SHQ1: variants seen among roughly 807,000 people sequenced by gnomAD.
The protein encoded by SHQ1 is SHQ1, H/ACA ribonucleoprotein assembly factor, also known as protein SHQ1 homolog.
SHQ1 carries 49 observed loss-of-function variants against 53.8 expected under a neutral mutation model. The ratio of observed to expected loss-of-function variants is 0.91; its 90% confidence interval spans 0.72 to 1.16. The LOEUF is 1.16. SHQ1 is among the 50% of genes most tolerant of loss of function. The pLI, the probability that SHQ1 is intolerant of heterozygous loss-of-function variation, is 0.00. For missense variants in SHQ1, 738 were observed against 683.1 expected, an observed-to-expected ratio of 1.08 and a Z score of -0.90; for synonymous variants, 243 against 251.0, an observed-to-expected ratio of 0.97 and a Z score of 0.30.
intron 10 of SHQ1, among the ~76,000 whole-genome samples, chr3:72,784,317 A>T (rs2106766390): frequency 6.6e-6 from 1 of 152,300 alleles, no homozygotes; most frequent in African/African-American, 2.4e-5. Flanking sequence ...AACATTTGTA[A>T]TCCTGTGATT....
At chr3:72,785,075 TCC>T (rs1706184684) in intron 10 of SHQ1, among the ~76,000 whole-genome samples, 1 of 152,172 alleles carries the variant, frequency 6.6e-6, no homozygotes, top group African/African-American at 2.4e-5. Context: ...AGGGAATCTA[TCC>T]CCACTGAAAG....
rs186536857 is a variant in SHQ1 at position 72,802,489 on chromosome 3, A to G, written c.1061-9453T>C. Among the ~76,000 whole-genome samples the G allele has an allele frequency of 8.2e-4, 125 of 152,248 alleles. 1 individual carries two copies. The highest frequency in any genetic ancestry group is 3.0e-3 in the African/African-American group (123 of 41,540). On this transcript the variant is annotated intron_variant, in intron 9 of 10. Coordinates refer to ENST00000325599, the MANE Select transcript of SHQ1 (RefSeq NM_018130.3). ...CAGCAAGCCATTGCAGGCTCCTTTCAGCCCGGTCCCAGCACACTGTTTCTA... is the reference window on the plus strand; with the variant it reads ...CAGCAAGCCATTGCAGGCTCCTTTCGGCCCGGTCCCAGCACACTGTTTCTA...
At chr3:72,815,302 T>C (rs779196325) in intron 8 of SHQ1, 48 bp downstream of exon 8, 2 of 1,532,298 alleles carry the variant, frequency 1.3e-6, no homozygotes, top group East Asian at 2.3e-5. Flanking sequence ...ACAACAAAAA[T>C]AACTTCCTGA....
intron 10 of SHQ1, among the ~76,000 whole-genome samples, chr3:72,776,890 C>A (rs1334186899): frequency 1.3e-5 from 2 of 151,812 alleles, no homozygotes; most frequent in Non-Finnish European, 1.5e-5. Flanking sequence ...AACAGACAAC[C>A]TAGAAACAGA....
chr3:72,829,779 A>G (rs1707771750), intron 5 of SHQ1, among the ~76,000 whole-genome samples: 1 of 152,202 alleles, frequency 6.6e-6, no homozygotes, highest in African/African-American at 2.4e-5. Flanking sequence ...TATCTCACAG[A>G]TGTTTAGAAT....
intron 4 of SHQ1, 126 bp downstream of exon 4, chr3:72,840,919 G>A (rs1708161010): frequency 9.0e-7 from 1 of 1,111,246 alleles, no homozygotes; most frequent in Non-Finnish European, 1.3e-6. Context: ...GCTGTGCTAA[G>A]TGCTTTAAAT....
At chr3:72,845,967 G>A (rs1472510032) in intron 1 of SHQ1, among the ~76,000 whole-genome samples, 4 of 152,170 alleles carry the variant, frequency 2.6e-5, no homozygotes, top group Non-Finnish European at 5.9e-5. Flanking sequence ...TTTACCAGAT[G>A]TGTAACAACC....
intron 10 of SHQ1, among the ~76,000 whole-genome samples, chr3:72,751,535 T>TATGTAC (rs1444853961): frequency 2.1e-5 from 3 of 139,926 alleles, no homozygotes; most frequent in Non-Finnish European, 4.5e-5. Context: ...TATATACATA[T>TATGTAC]ACATACACTA....
intron 10 of SHQ1, chr3:72,753,249 T>C: frequency 1.0e-6 from 1 of 985,416 alleles, no homozygotes; most frequent in Non-Finnish European, 1.2e-6. Context: ...ATTGAGTGGC[T>C]TTGAGACAAA....
At chr3:72,799,751 C>T (rs1375927988) in intron 9 of SHQ1, among the ~76,000 whole-genome samples, 1 of 152,142 alleles carries the variant, frequency 6.6e-6, no homozygotes, top group Admixed American at 6.5e-5. Context: ...CATATATTAT[C>T]TGTATACTCG....
the SHQ1 span, among the ~76,000 whole-genome samples, chr3:72,729,203 CT>C: frequency 6.6e-6 from 1 of 152,216 alleles, no homozygotes; most frequent in Admixed American, 6.5e-5. Context: ...ACGGTTGCCC[CT>C]GGATTCGTTA....
intron 4 of SHQ1, 78 bp from the exon 5 acceptor site, chr3:72,832,559 C>T (rs1707857146): frequency 2.0e-6 from 2 of 983,138 alleles, no homozygotes; most frequent in Non-Finnish European, 3.1e-6. Context: ...ATACAAAATG[C>T]CAAAGCACAG....
intron 5 of SHQ1, among the ~76,000 whole-genome samples, chr3:72,826,379 G>C (rs1292639908): frequency 6.6e-6 from 1 of 152,168 alleles, no homozygotes; most frequent in Non-Finnish European, 1.5e-5. Flanking sequence ...AAATCAGAAC[G>C]TGAGCTTTTT....
intron 9 of SHQ1, among the ~76,000 whole-genome samples, chr3:72,805,445 C>A (rs1315212926): frequency 6.6e-6 from 1 of 152,108 alleles, no homozygotes; most frequent in Non-Finnish European, 1.5e-5. Context: ...TTTTCTGCTG[C>A]TATTTTCTTA....
chr3:72,796,408 T>C (rs745843680), intron 9 of SHQ1, among the ~76,000 whole-genome samples: 1 of 152,142 alleles, frequency 6.6e-6, no homozygotes, highest in African/African-American at 2.4e-5. Flanking sequence ...CTGATAAAAT[T>C]ATACACAGCT....
chr3:72,815,202 T>G (rs1707273729), intron 8 of SHQ1, 148 bp downstream of exon 8: 4 of 650,790 alleles, frequency 6.1e-6, no homozygotes, highest in African/African-American at 1.8e-5. Flanking sequence ...ATCAGAATTT[T>G]ATTAAAAAGA....
chr3:72,770,624 G>A (rs1705826281), intron 10 of SHQ1, among the ~76,000 whole-genome samples: 1 of 152,174 alleles, frequency 6.6e-6, no homozygotes, highest in South Asian at 2.1e-4. Flanking sequence ...TAGTATTATA[G>A]AAGGCAAAAA....
At chr3:72,767,055 AC>A (rs1705745842) in intron 10 of SHQ1, among the ~76,000 whole-genome samples, 1 of 152,196 alleles carries the variant, frequency 6.6e-6, no homozygotes, top group Non-Finnish European at 1.5e-5. Flanking sequence ...AATTTGTTTG[AC>A]AAAGATGAAG....
the SHQ1 span, among the ~76,000 whole-genome samples, chr3:72,737,789 C>T: frequency 6.6e-6 from 1 of 152,242 alleles, no homozygotes; most frequent in Non-Finnish European, 1.5e-5. Flanking sequence ...TTTCCACCCA[C>T]AGCTGGCTGA....
Sources: allele counts gnomAD v4.1 joint callset (sites outside exome capture counted in the v4.1 genomes callset), GRCh38; gene constraint gnomAD v4.1.1; transcripts MANE v1.5; gene names NCBI Gene and HGNC (gene_info 2026-07-23, HGNC 2026-07-21).